The following DIPK1A variants were observed in gnomAD, a reference collection of about 807,000 sequenced individuals.
DIPK1A encodes divergent protein kinase domain 1A.
DIPK1A carries 27 observed loss-of-function variants against 40.8 expected under a neutral mutation model. The observed-to-expected ratio is 0.66, with a 90% CI of 0.49 to 0.91. DIPK1A has a LOEUF of 0.91. Among genes scored for constraint, DIPK1A ranks in the 40% least tolerant of loss-of-function variants. The pLI, the probability that DIPK1A is intolerant of heterozygous loss-of-function variation, is 0.00. For missense variants in DIPK1A, 412 were observed against 505.7 expected (o/e 0.81, Z 1.78); for synonymous variants, 166 against 171.3 (o/e 0.97, Z 0.24).
chr1:92,950,353 C>T (rs1387830239), intron 1 of DIPK1A, among the ~76,000 whole-genome samples: 3 of 152,032 alleles, frequency 2.0e-5, no homozygotes, highest in Admixed American at 6.6e-5. Flanking sequence ...AGGAATGGAA[C>T]GACAATATAG....
chr1:92,920,248 T>C (rs1167238056), intron 1 of DIPK1A, among the ~76,000 whole-genome samples: 1 of 152,196 alleles, frequency 6.6e-6, no homozygotes, highest in Non-Finnish European at 1.5e-5. Flanking sequence ...TGGAGATAAA[T>C]GAATAATGGG....
chr1:92,920,061 T>G (rs1278496727), intron 1 of DIPK1A, among the ~76,000 whole-genome samples: 2 of 152,196 alleles, frequency 1.3e-5, no homozygotes, highest in Admixed American at 6.5e-5. Flanking sequence ...CAAAGATGCA[T>G]GAGACATGAT....
At chr1:92,862,269 A>T (rs888885963) in intron 2 of DIPK1A, among the ~76,000 whole-genome samples, 3 of 152,120 alleles carry the variant, frequency 2.0e-5, no homozygotes, top group African/African-American at 7.2e-5. Flanking sequence ...AAAGCAATTC[A>T]CACTCAATCT....
chr1:92,898,841 C>T (rs548942012), intron 1 of DIPK1A, among the ~76,000 whole-genome samples: 1 of 152,268 alleles, frequency 6.6e-6, no homozygotes, highest in South Asian at 2.1e-4. Flanking sequence ...TGGCTCACTG[C>T]AGCCTTGACC....
intron 1 of DIPK1A, among the ~76,000 whole-genome samples, chr1:92,941,854 G>A (rs1651162012): frequency 6.6e-6 from 1 of 152,112 alleles, no homozygotes; most frequent in African/African-American, 2.4e-5. Context: ...GCCAAGAGTG[G>A]TGGCGCGTGC....
intron 1 of DIPK1A, among the ~76,000 whole-genome samples, chr1:92,914,302 T>G (rs1649955427): frequency 6.6e-6 from 1 of 152,056 alleles, no homozygotes; most frequent in Non-Finnish European, 1.5e-5. Context: ...AACAATGGCT[T>G]GTTCTAGGTT....
At chr1:92,923,532 T>A (rs1290544146) in intron 1 of DIPK1A, among the ~76,000 whole-genome samples, 1 of 152,234 alleles carries the variant, frequency 6.6e-6, no homozygotes, top group Non-Finnish European at 1.5e-5. Context: ...TACATTTCTA[T>A]AATAAATAAT....
chr1:92,945,280 C>A (rs1217697420), intron 1 of DIPK1A, among the ~76,000 whole-genome samples: 1 of 151,938 alleles, frequency 6.6e-6, no homozygotes, highest in Non-Finnish European at 1.5e-5. Context: ...ATTAGAAACT[C>A]CCTGCAAAAA....
chr1:92,889,743 G>A (rs568635256), intron 1 of DIPK1A, among the ~76,000 whole-genome samples: 1 of 152,046 alleles, frequency 6.6e-6, no homozygotes, highest in South Asian at 2.1e-4. Flanking sequence ...TGTCTCCTGG[G>A]CTCAAGCAAT....
chr1:92,933,525 C>A (rs1401120780), intron 1 of DIPK1A: 1 of 152,060 alleles, frequency 6.6e-6, no homozygotes, highest in African/African-American at 2.4e-5. Flanking sequence ...ATAGCAAGAC[C>A]CTGTTTCTTA....
At chr1:92,860,883 C>T (rs1647233726) in intron 2 of DIPK1A, among the ~76,000 whole-genome samples, 1 of 152,016 alleles carries the variant, frequency 6.6e-6, no homozygotes, top group Admixed American at 6.6e-5. Context: ...ATATTTATTG[C>T]AAATAAAATG....
chr1:92,875,378 A>T (rs1265344682), intron 2 of DIPK1A, among the ~76,000 whole-genome samples: 1 of 152,170 alleles, frequency 6.6e-6, no homozygotes, highest in African/African-American at 2.4e-5. Flanking sequence ...TTACTATTCA[A>T]ATATAATTCT....
rs1351827927 is a variant in DIPK1A, at chr1:92,843,772, G to C, written c.898C>G (p.Leu300Val). 3 of 1,551,838 alleles carry C rather than the reference G, an allele frequency of 1.9e-6. No homozygotes were observed. The East Asian group carries it at 7.3e-5, about 38-fold the overall frequency. The change falls in exon 5 of 5, where the codon CTA becomes GTA. Residue 300 changes from leucine to valine, a missense_variant. Leu to Val is a conservative substitution (Grantham distance 32). Transcript: ENST00000370310. Reference protein sequence around the residue: ...FLMCDTSAKNLGYNDKYDLKM... With the variant: ...FLMCDTSAKNVGYNDKYDLKM... The stretch of plus-strand genomic sequence containing the variant: ...AAATCATACTTATCATTATATCCTA[G>C]GTTTTTGGCACTAGTATCGCACATG...
At chr1:92,842,091 C>CATT, downstream of DIPK1A, 1 of 823,194 alleles carries the variant, frequency 1.2e-6, no homozygotes, top group Non-Finnish European at 1.7e-6. Flanking sequence ...TGACAGGAGT[C>CATT]ATTATCCCTT....
intron 1 of DIPK1A, among the ~76,000 whole-genome samples, chr1:92,902,998 G>A (rs535335713): frequency 6.6e-6 from 1 of 152,206 alleles, no homozygotes; most frequent in East Asian, 1.9e-4. Flanking sequence ...AAATTCTTAG[G>A]TCAAAGGGTA....
At position 92,836,888 on chromosome 1, in the gene DIPK1A, A is replaced by T. The variant is rs1450236864; in HGVS notation, c.475-3854T>A. The T allele has an allele frequency of 1.4e-5, 3 of 208,590 alleles. No homozygotes were observed. The East Asian group carries it at 3.7e-4, about 25-fold the overall frequency. The allele number at this position is 208,590 out of a possible 1,614,324, so 12.9% of individuals were successfully genotyped here. A position where few individuals can be genotyped will look rare whatever the true frequency, so the allele number is the denominator to read the frequency against. ...GTTAATTTGTAGTTCCATTGGTTTAATGATATTTTTTGTTGTTGAGTCTGT... is the reference window on the plus strand; with the variant it reads ...GTTAATTTGTAGTTCCATTGGTTTATTGATATTTTTTGTTGTTGAGTCTGT... On this transcript the variant is annotated intron_variant, in intron 4 of 4. Coordinates refer to the DIPK1A transcript ENST00000615519.
At chr1:92,840,509 C>A (rs1052323462), downstream of DIPK1A, 1 of 1,429,496 alleles carries the variant, frequency 7.0e-7, no homozygotes, top group African/African-American at 1.4e-5. Flanking sequence ...TAGTAGGGCA[C>A]ATGAAATGAA....
intron 4 of DIPK1A, 141 bp from the exon 5 acceptor site, chr1:92,844,336 T>C: frequency 1.6e-6 from 1 of 621,842 alleles, no homozygotes; most frequent in South Asian, 2.0e-5. Flanking sequence ...ATGTATTATA[T>C]CTCCAAATAT....
At chr1:92,907,294 A>C (rs1649659379) in intron 1 of DIPK1A, among the ~76,000 whole-genome samples, 1 of 152,152 alleles carries the variant, frequency 6.6e-6, no homozygotes, top group Non-Finnish European at 1.5e-5. Context: ...TTTGTGTTTT[A>C]TTCTGCAGTA....
Sources: gnomAD v4.1 joint callset for allele counts (sites outside exome capture counted in the v4.1 genomes callset) on GRCh38, gnomAD v4.1.1 for gene constraint, MANE v1.5 for transcripts, NCBI Gene and HGNC (gene_info 2026-07-23, HGNC 2026-07-21) for gene names.